Variants in TTC23 observed in about 807,000 individuals in gnomAD.
The protein encoded by TTC23 is tetratricopeptide repeat protein 23.
Under a neutral mutation model 55.1 loss-of-function variants are expected in TTC23, and 58 were observed. The ratio of observed to expected loss-of-function variants is 1.05; its 90% CI spans 0.85 to 1.31. The LOEUF is 1.31. TTC23 is among the 50% of genes most tolerant of loss of function. The probability of loss-of-function intolerance (pLI) is 0.00; values close to 1 mark genes in which losing one functional copy is unlikely to be tolerated. For missense variants in TTC23, 516 were observed against 534.4 expected, an observed-to-expected ratio of 0.97 and a Z score of 0.34; for synonymous variants, 203 against 199.9, an observed-to-expected ratio of 1.02 and a Z score of -0.13.
Position 99,151,979 on chromosome 15 carries a change from T to C in TTC23, c.1143+4169A>G, listed in dbSNP as rs1252103251. On this transcript the variant is annotated intron_variant, in intron 12 of 13. Transcript: ENST00000394132. ...ACAGAGTACAGGTACCCAAGTGATA[T>C]AGTTTGTATATTTGTCCCCACCCCA... 2.6e-5 allele frequency among the ~76,000 whole-genome samples: 4 copies of C among 152,238 alleles called. No homozygotes were observed. In the East Asian group the frequency reaches 5.8e-4, roughly 22 times the overall value.
At chr15:99,197,166 G>A (rs1443586446) in intron 9 of TTC23, among the ~76,000 whole-genome samples, 4 of 151,062 alleles carry the variant, frequency 2.6e-5, no homozygotes, top group African/African-American at 7.3e-5. Flanking sequence ...GCAGTGGCGC[G>A]ATCTCAGCTC....
chr15:99,246,233 A>G (rs2152105563), intron 1 of TTC23, among the ~76,000 whole-genome samples: 1 of 152,382 alleles, frequency 6.6e-6, no homozygotes, highest in Non-Finnish European at 1.5e-5. Context: ...ATTAAAGTTA[A>G]AAGACAACCC....
intron 4 of TTC23, among the ~76,000 whole-genome samples, chr15:99,231,996 T>C (rs957101379): frequency 4.7e-5 from 7 of 150,176 alleles, no homozygotes; most frequent in Non-Finnish European, 1.0e-4. Context: ...TTCTCCATGT[T>C]GGTCAGGCTG....
In TTC23 at chr15:99,241,384, A is replaced by G. The variant is rs2079785159; in HGVS notation, c.-133T>C. ...ACTTACTTTGAGTTACATGCTTATC[A>G]TCAGCCACTTTTCTTTGTAGTAGCT... On this transcript the variant is annotated 5_prime_UTR_variant, in exon 3 of 14. An upstream start codon of the reference 5' UTR is lost. Coordinates refer to ENST00000394132, the MANE Select transcript of TTC23 (RefSeq NM_001288615.3). The G allele has an allele frequency of 2.0e-5, 3 of 152,496 alleles. No homozygotes were observed. Among genetic ancestry groups the G allele is most frequent in the Admixed American group, 2.0e-4 (3 of 15,286 alleles). 9.4% of individuals were successfully genotyped at this position (152,496 alleles called of 1,614,324 possible). A position where few individuals can be genotyped will look rare whatever the true frequency, so the allele number is the denominator to read the frequency against.
intron 12 of TTC23, among the ~76,000 whole-genome samples, chr15:99,152,025 C>G (rs1329657649): frequency 1.3e-5 from 2 of 152,170 alleles, no homozygotes; most frequent in African/African-American, 4.8e-5. Context: ...GAATTATAAT[C>G]CCCAATATTG....
At position 99,174,957 on chromosome 15, in the gene TTC23, C is replaced by T. The variant is rs1050828473; in HGVS notation, c.865+93G>A. On this transcript the variant is annotated intron_variant, in intron 10 of 13. Coordinates refer to ENST00000394132, the MANE Select transcript of TTC23 (RefSeq NM_001288615.3). ...GGAAGGCTCTGTGGCGGGCCTGTGT[C>T]GCGGCTCTGTCCACCTGTTAACCCA... The T allele has an allele frequency of 2.9e-5, 29 of 1,000,156 alleles. No individual in the cohort carries two copies. In the Admixed American group the frequency reaches 5.1e-4, roughly 18 times the overall value. The allele number at this position is 1,000,156 out of a possible 1,614,324, so 62.0% of individuals were successfully genotyped here.
At position 99,139,504 on chromosome 15, in the gene TTC23, T is replaced by G. The variant is rs782595589; in HGVS notation, c.1144-105A>C. On this transcript the variant is annotated intron_variant, in intron 12 of 13. Coordinates refer to ENST00000394132, the MANE Select transcript of TTC23 (RefSeq NM_001288615.3). ...GAAAGATGACCTCATTCTTAGGCCCTGCTGTGATGGAATTAGCATGCTCCT... is the reference window on the plus strand; with the variant it reads ...GAAAGATGACCTCATTCTTAGGCCCGGCTGTGATGGAATTAGCATGCTCCT... 1.9e-6 allele frequency: 3 copies of G among 1,563,756 alleles called. No individual in the cohort carries two copies. In the African/African-American group the frequency reaches 4.1e-5, roughly 21 times the overall value.
chr15:99,199,831 CA>C (rs1157724763), intron 9 of TTC23, 87 bp downstream of exon 9: 7 of 1,330,900 alleles, frequency 5.3e-6, no homozygotes, highest in Non-Finnish European at 6.1e-6. Flanking sequence ...ATGACAAAGC[CA>C]GGCATTTTCA....
chr15:99,221,281 AT>A (rs2077900075), intron 6 of TTC23, among the ~76,000 whole-genome samples: 1 of 151,934 alleles, frequency 6.6e-6, no homozygotes, highest in South Asian at 2.1e-4. Context: ...AAGTCTAAAA[AT>A]TTTTTCCCTT....
intron 9 of TTC23, among the ~76,000 whole-genome samples, chr15:99,178,952 G>T (rs184655229): frequency 6.6e-6 from 1 of 152,144 alleles, no homozygotes; most frequent in Non-Finnish European, 1.5e-5. Flanking sequence ...CTACCTGCAG[G>T]GACCTTGAGG....
At chr15:99,207,369 A>G (rs983685632) in intron 8 of TTC23, among the ~76,000 whole-genome samples, 2 of 152,242 alleles carry the variant, frequency 1.3e-5, no homozygotes, top group Admixed American at 6.5e-5. Flanking sequence ...CAAATAAGCA[A>G]AACATGTGAA....
intron 2 of TTC23, among the ~76,000 whole-genome samples, chr15:99,242,884 A>T (rs1000972146): frequency 6.6e-6 from 1 of 152,206 alleles, no homozygotes; most frequent in African/African-American, 2.4e-5. Flanking sequence ...AAGACCTGAA[A>T]CTATAAAATT....
chr15:99,187,569 T>C lies in TTC23; in HGVS notation c.759+12350A>G, dbSNP rs145463663. Among the ~76,000 whole-genome samples the C allele has an allele frequency of 1.7e-4, 26 of 151,482 alleles. No homozygotes were observed. In the East Asian group the frequency reaches 4.8e-3, roughly 28 times the overall value. On this transcript the variant is annotated intron_variant, in intron 9 of 13. Transcript: ENST00000394132. ...AGAAAGTCAAAAGACAACCTACAGA[T>C]TGGGAAACACCTCACAGATAAGGCT...
chr15:99,158,345 C>T (rs12903602), intron 11 of TTC23: 26,892 of 152,196 alleles, frequency 0.18, 2,579 homozygotes, highest in African/African-American at 0.23. Context: ...GGAGAAGACC[C>T]GGGGAGACTC....
At chr15:99,216,760 A>G (rs72756881) in intron 8 of TTC23, among the ~76,000 whole-genome samples, 337 of 152,348 alleles carry the variant, frequency 2.2e-3, no homozygotes, top group Non-Finnish European at 3.8e-3. Context: ...CCACCCTGCA[A>G]GTAGGAATGC....
intron 8 of TTC23, among the ~76,000 whole-genome samples, chr15:99,212,859 C>T (rs1360899631): frequency 6.6e-6 from 1 of 151,832 alleles, no homozygotes. Flanking sequence ...GTGGCACGTG[C>T]CTGTAGTCCC....
chr15:99,161,602 C>T, intron 11 of TTC23, 138 bp downstream of exon 11: 3 of 933,894 alleles, frequency 3.2e-6, no homozygotes, highest in Non-Finnish European at 4.6e-6. Flanking sequence ...GGAGCCCTAG[C>T]CTTATTTATG....
chr15:99,234,668 G>A (rs751528902), intron 4 of TTC23, among the ~76,000 whole-genome samples: 13 of 151,930 alleles, frequency 8.6e-5, no homozygotes, highest in Non-Finnish European at 1.8e-4. Flanking sequence ...CACCGCACCT[G>A]GCCAAAAATG....
chr15:99,195,972 G>A (rs1231177317), intron 9 of TTC23, among the ~76,000 whole-genome samples: 1 of 151,774 alleles, frequency 6.6e-6, no homozygotes, highest in Non-Finnish European at 1.5e-5. Context: ...TGGCCAACAT[G>A]GTGAAACCCT....
Sources: gnomAD v4.1 joint callset for allele counts (sites outside exome capture counted in the v4.1 genomes callset) on GRCh38, gnomAD v4.1.1 for gene constraint, MANE v1.5 for transcripts, NCBI Gene and HGNC (gene_info 2026-07-23, HGNC 2026-07-21) for gene names.